RBPJ: variants seen among roughly 807,000 people sequenced by gnomAD.
The protein encoded by RBPJ is recombining binding protein suppressor of hairless.
A neutral mutation model predicts 67.8 loss-of-function variants in RBPJ; 9 were observed. The ratio of observed to expected loss-of-function variants is 0.13; its 90% confidence interval spans 0.08 to 0.23. RBPJ has a LOEUF of 0.23. Among genes scored for constraint, RBPJ ranks in the 10% least tolerant of loss-of-function variants. The probability of loss-of-function intolerance (pLI) is 1.00; values close to 1 mark genes in which losing one functional copy is unlikely to be tolerated. For missense variants in RBPJ, 305 were observed against 595.6 expected (o/e 0.51, Z 5.08); for synonymous variants, 198 against 203.3 (o/e 0.97, Z 0.22).
intron 1 of RBPJ, among the ~76,000 whole-genome samples, chr4:26,185,035 G>A (rs776003701): frequency 4.0e-5 from 6 of 151,822 alleles, no homozygotes; most frequent in South Asian, 2.1e-4. Context: ...CTAGCTACTC[G>A]GGAGGCTGAG....
At position 26,430,969 on chromosome 4, in the gene RBPJ, A is replaced by T; in HGVS notation, c.1426A>T (p.Thr476Ser). 3.7e-6 allele frequency: 6 copies of T among 1,613,990 alleles called. No homozygotes were observed. The highest frequency in any genetic ancestry group is 1.3e-5 in the African/African-American group (1 of 74,974). ...GSYTNASTNS[T>S]SVTSSTATVV... Reference sequence around the variant, plus strand: ...TTACACAAACGCCAGCACAAATTCAACCAGTGTCACATCATCTACAGCCAC... The same window carrying T: ...TTACACAAACGCCAGCACAAATTCATCCAGTGTCACATCATCTACAGCCAC... Residue 476 changes from threonine to serine, a missense_variant, in exon 11 of 11, where the codon ACC (threonine) becomes TCC (serine). Thr to Ser is a moderately conservative substitution (Grantham distance 58). Around this residue, in one of 7 missense-constraint regions of RBPJ, gnomAD observed 51 missense variants for 52.8 expected, o/e 0.97. Coordinates refer to ENST00000355476, the MANE Select transcript of RBPJ (RefSeq NM_015874.6). This position sits in a 1 kb window ranked among gnomAD's most constrained non-coding sequence, Gnocchi z 4.1.
At chr4:26,123,985 A>G in the RBPJ span, among the ~76,000 whole-genome samples, 1 of 152,200 alleles carries the variant, frequency 6.6e-6, no homozygotes, top group Non-Finnish European at 1.5e-5. Context: ...AGTATAGTAA[A>G]TACATGAACC....
At chr4:26,246,653 G>T (rs902408861) in intron 1 of RBPJ, among the ~76,000 whole-genome samples, 6 of 152,176 alleles carry the variant, frequency 3.9e-5, no homozygotes, top group African/African-American at 1.4e-4. Context: ...CAGCAAATAT[G>T]CTATTATTCA....
chr4:26,405,800 A>G (rs1733338903), intron 2 of RBPJ, among the ~76,000 whole-genome samples: 2 of 152,176 alleles, frequency 1.3e-5, no homozygotes, highest in African/African-American at 4.8e-5. Flanking sequence ...GAATTACATT[A>G]TTAAACTACA....
At chr4:26,423,802 T>C (rs1291595521) in intron 5 of RBPJ, among the ~76,000 whole-genome samples, 1 of 152,254 alleles carries the variant, frequency 6.6e-6, no homozygotes, top group Non-Finnish European at 1.5e-5. Flanking sequence ...GAAATCACAG[T>C]ATGCAGAGGC....
chr4:26,237,941 G>A lies in RBPJ; in HGVS notation c.-167+74327G>A, dbSNP rs74367469. ...TTGACCAAGCTGATTTTGCACTCCT[G>A]GCCTCAAGTGATCCTCCCATCTCAG... On this transcript the variant is annotated intron_variant, in intron 1 of 4. Coordinates refer to the RBPJ transcript ENST00000512351. 2.9e-3 allele frequency among the ~76,000 whole-genome samples: 438 copies of A among 152,192 alleles called. 2 individuals carry two copies. Among genetic ancestry groups the A allele is most frequent in the African/African-American group, 0.01 (416 of 41,524 alleles).
At chr4:26,322,871 A>G (rs1723236413) in intron 1 of RBPJ, 2 of 151,634 alleles carry the variant, frequency 1.3e-5, no homozygotes, top group Non-Finnish European at 2.9e-5. Flanking sequence ...AAGAGTTATT[A>G]TATTTACCAG....
rs73113378 is a variant in RBPJ, at chr4:26,324,866, G to A, written c.20+3818G>A. Among the ~76,000 whole-genome samples the A allele has an allele frequency of 3.0e-3, 455 of 152,272 alleles. 1 individual carries two copies. Among genetic ancestry groups the A allele is most frequent in the African/African-American group, 0.011 (437 of 41,544 alleles). ...TATTTAACAAATGGTAGTACAACAT[G>A]CTTTCACTGGACTCTAAGCCAAGTC... On this transcript the variant is annotated intron_variant, in intron 1 of 10. Transcript: ENST00000355476.
intron 1 of RBPJ, among the ~76,000 whole-genome samples, chr4:26,261,185 C>G (rs1720519948): frequency 6.6e-6 from 1 of 151,508 alleles, no homozygotes; most frequent in Non-Finnish European, 1.5e-5. Context: ...CAAGATGCAA[C>G]AGTAAAGAAA....
chr4:26,136,620 C>T, the RBPJ span, among the ~76,000 whole-genome samples: 27 of 152,252 alleles, frequency 1.8e-4, no homozygotes, highest in African/African-American at 5.5e-4. Flanking sequence ...TCAGGCCTGA[C>T]AACAATTTAG....
intron 1 of RBPJ, among the ~76,000 whole-genome samples, chr4:26,303,181 A>AAAATAAATAAAT (rs143814094): frequency 1.4e-3 from 199 of 138,374 alleles, no homozygotes; most frequent in African/African-American, 1.8e-3. Context: ...ACCCTGTCAA[A>AAAATAAATAAAT]AAATAAATAA....
intron 7 of RBPJ, among the ~76,000 whole-genome samples, chr4:26,425,160 T>C (rs575835898): frequency 5.9e-5 from 9 of 152,320 alleles, no homozygotes; most frequent in African/African-American, 1.9e-4. Context: ...CATTCTTATT[T>C]CTTTTGAAAT....
At position 26,264,346 on chromosome 4, in the gene RBPJ, C is replaced by G. The variant is rs1229493875; in HGVS notation, c.-166-98100C>G. On this transcript the variant is annotated intron_variant, in intron 1 of 4. Coordinates refer to the RBPJ transcript ENST00000512351. The surrounding 1 kb of genome is among the most constrained non-coding windows in gnomAD (Gnocchi z 4.1). Reference sequence around the variant, plus strand: ...TTATTAATTCATTAATCAATGAATACTTTTTAATTCAGCATATGTAGTCTG... The same window carrying G: ...TTATTAATTCATTAATCAATGAATAGTTTTTAATTCAGCATATGTAGTCTG... Among the ~76,000 whole-genome samples, 1 of 152,090 alleles carries G rather than the reference C, an allele frequency of 6.6e-6. No homozygotes were observed. The highest frequency in any genetic ancestry group is 1.5e-5 in the Non-Finnish European group (1 of 68,020).
intron 1 of RBPJ, among the ~76,000 whole-genome samples, chr4:26,383,063 A>T (rs1730481467): frequency 6.6e-6 from 1 of 152,176 alleles, no homozygotes; most frequent in African/African-American, 2.4e-5. Context: ...CATTTATGAG[A>T]TTTGTAGCCT....
chr4:26,130,728 G>A, the RBPJ span, among the ~76,000 whole-genome samples: 10 of 152,144 alleles, frequency 6.6e-5, no homozygotes, highest in Admixed American at 2.6e-4. Flanking sequence ...CCGTCACTCT[G>A]TGAGAGTTGA....
intron 1 of RBPJ, among the ~76,000 whole-genome samples, chr4:26,213,810 A>G (rs1248819440): frequency 1.3e-5 from 2 of 152,088 alleles, no homozygotes; most frequent in Non-Finnish European, 2.9e-5. Context: ...GTAGAAGTCC[A>G]GGAGGGAGAT....
intron 1 of RBPJ, among the ~76,000 whole-genome samples, chr4:26,336,926 G>A (rs972800661): frequency 3.3e-5 from 5 of 152,130 alleles, no homozygotes; most frequent in East Asian, 1.9e-4. Flanking sequence ...AAATGGTAGC[G>A]TAGTGCTTCC....
the RBPJ span, among the ~76,000 whole-genome samples, chr4:26,154,249 A>G: frequency 6.6e-6 from 1 of 152,204 alleles, no homozygotes; most frequent in African/African-American, 2.4e-5. Context: ...GCCACTTACC[A>G]GATTTGGGAC....
chr4:26,318,149 A>C (rs192032101), upstream of RBPJ, among the ~76,000 whole-genome samples: 783 of 151,676 alleles, frequency 5.2e-3, 2 homozygotes, highest in African/African-American at 0.017. Flanking sequence ...ACACACACAC[A>C]CCCCTAAAAC....
Sources: allele counts gnomAD v4.1 joint callset (sites outside exome capture counted in the v4.1 genomes callset), GRCh38; gene constraint gnomAD v4.1.1; regional missense constraint gnomAD v4.1.1; non-coding constraint Gnocchi (gnomAD v3.1); transcripts MANE v1.5; gene names NCBI Gene and HGNC (gene_info 2026-07-23, HGNC 2026-07-21).